The following CYP4B1 variants were observed in gnomAD, a reference collection of about 807,000 sequenced individuals.
The protein encoded by CYP4B1 is cytochrome P450 family 4 subfamily B member 1, also known as cytochrome P450 4B1.
In CYP4B1, 45 loss-of-function variants were observed where a neutral mutation model predicts 54.0. The ratio of observed to expected loss-of-function variants is 0.83; its 90% CI spans 0.66 to 1.07. The LOEUF (loss-of-function observed/expected upper bound fraction) is 1.07. CYP4B1 is among the 50% of genes least tolerant of loss of function. The pLI is 0.00. For missense variants in CYP4B1, 656 were observed against 655.4 expected, an observed-to-expected ratio of 1.00 and a Z score of -0.01; for synonymous variants, 248 against 247.5, an observed-to-expected ratio of 1.00 and a Z score of -0.02.
chr1:46,800,149 TCC>T (rs1678555436), intron 1 of CYP4B1, among the ~76,000 whole-genome samples: 2 of 151,282 alleles, frequency 1.3e-5, no homozygotes, highest in African/African-American at 2.4e-5. Flanking sequence ...CCTTTCCCTT[TCC>T]CTTTCTTTCT....
At position 46,815,249 on chromosome 1, in the gene CYP4B1, A is replaced by G. The variant is rs1307681727; in HGVS notation, c.1058A>G (p.Gln353Arg). The part of the protein sequence containing the change: ...REEVREILGD[Q>R]DFFQWDDLGK... ...GAGGTCCGCGAGATCCTAGGGGACC[A>G]GGACTTCTTCCAGTGGTGAGTCTGA... Residue 353 changes from glutamine (Q) to arginine (R), a missense_variant, in exon 8 of 12, where the codon CAG becomes CGG. Transcript: ENST00000371923. 1 of 1,567,040 alleles carries G rather than the reference A, an allele frequency of 6.4e-7. No individual in the cohort carries two copies. Among genetic ancestry groups the G allele is most frequent in the Non-Finnish European group, 8.7e-7 (1 of 1,155,126 alleles).
chr1:46,818,065 G>A (rs753868251), intron 10 of CYP4B1, 36 bp downstream of exon 10: 1 of 1,613,262 alleles, frequency 6.2e-7, no homozygotes, highest in Non-Finnish European at 8.5e-7. Context: ...CAGACAGGGT[G>A]GGGGACTGGG....
At chr1:46,817,477 A>G (rs1298577771) in intron 9 of CYP4B1, 1 of 475,288 alleles carries the variant, frequency 2.1e-6, no homozygotes. Context: ...CATGCCCTGA[A>G]CAGCACCAGG....
At chr1:46,817,663 G>T (rs1473161268) in intron 9 of CYP4B1, among the ~76,000 whole-genome samples, 3 of 152,228 alleles carry the variant, frequency 2.0e-5, no homozygotes, top group Non-Finnish European at 4.4e-5. Flanking sequence ...GAGTCAGTTA[G>T]CTGAAAAGGT....
chr1:46,809,207 A>G (rs1185874081), intron 1 of CYP4B1, among the ~76,000 whole-genome samples: 1 of 151,156 alleles, frequency 6.6e-6, no homozygotes, highest in South Asian at 2.1e-4. Context: ...AAAACAAAAA[A>G]AAGCTCTCAT....
intron 9 of CYP4B1, chr1:46,817,493 A>G: frequency 2.2e-6 from 1 of 458,172 alleles, no homozygotes; most frequent in Non-Finnish European, 4.0e-6. Flanking sequence ...CCAGGGAGCA[A>G]CACTCACATA....
intron 1 of CYP4B1, among the ~76,000 whole-genome samples, chr1:46,799,586 A>G (rs1416371540): frequency 6.6e-6 from 1 of 152,248 alleles, no homozygotes; most frequent in African/African-American, 2.4e-5. Flanking sequence ...AGAAATCCAA[A>G]ACCTCTGGAT....
At chr1:46,818,508 C>G in intron 11 of CYP4B1, 123 bp from the exon 12 acceptor site, 1 of 1,055,874 alleles carries the variant, frequency 9.5e-7, no homozygotes, top group East Asian at 2.4e-5. Flanking sequence ...CCCAGGTCAA[C>G]CAATCTATCA....
At position 46,815,150 on chromosome 1, in the gene CYP4B1, C is replaced by G. The variant is rs765503290; in HGVS notation, c.959C>G (p.Thr320Ser). ...VDTFMFEGHD[T>S]TTSGISWFLY... ...ACATTCATGTTTGAAGGCCATGACA[C>G]CACCACCAGTGGTATCTCCTGGTTT... Residue 320 changes from threonine (T) to serine (S), a missense_variant, in exon 8 of 12, where the codon ACC becomes AGC. By Grantham distance (58) the Thr-to-Ser change is moderately conservative. Transcript: ENST00000371923. The G allele has an allele frequency of 6.2e-7, 1 of 1,614,130 alleles. No homozygotes were observed. The highest frequency in any genetic ancestry group is 1.1e-5 in the South Asian group (1 of 91,080).
intron 1 of CYP4B1, among the ~76,000 whole-genome samples, chr1:46,800,908 C>A (rs1678631388): frequency 6.6e-6 from 1 of 152,148 alleles, no homozygotes; most frequent in African/African-American, 2.4e-5. Context: ...GACACCAGAG[C>A]CTTGCTCCCG....
At chr1:46,813,308 C>T (rs1238415750) in intron 4 of CYP4B1, among the ~76,000 whole-genome samples, 174 bp from the exon 5 acceptor site, 4 of 152,144 alleles carry the variant, frequency 2.6e-5, no homozygotes, top group South Asian at 2.1e-4. Flanking sequence ...CAAACTTCTA[C>T]CCACCCTATC....
intron 3 of CYP4B1, chr1:46,812,113 T>C (rs1679124719): frequency 2.1e-6 from 1 of 466,950 alleles, no homozygotes; most frequent in South Asian, 1.6e-5. Flanking sequence ...CCTGAAGCTG[T>C]GGCCAGTCTC....
rs140429297 is a variant in CYP4B1 at position 46,800,472 on chromosome 1, A to T, written c.180+1211A>T. The stretch of plus-strand genomic sequence containing the variant: ...CAGCCTCCCAAGTAGCTGGGACCAC[A>T]GGCACGCGCCACCATGCCTAGCTAA... On this transcript the variant is annotated intron_variant, in intron 1 of 11. Coordinates refer to ENST00000371923, the MANE Select transcript of CYP4B1 (RefSeq NM_001099772.2). 8.6e-3 allele frequency among the ~76,000 whole-genome samples: 1,302 copies of T among 151,936 alleles called. 21 individuals are homozygous for T. The highest frequency in any genetic ancestry group is 0.028 in the African/African-American group (1,173 of 41,420).
intron 5 of CYP4B1, 43 bp downstream of exon 5, chr1:46,813,649 A>G (rs774801865): frequency 1.2e-6 from 2 of 1,610,442 alleles, no homozygotes; most frequent in African/African-American, 1.3e-5. Context: ...CTCCAAAGCC[A>G]TCTTAGAGGG....
At chr1:46,799,346 G>A in intron 1 of CYP4B1, 85 bp downstream of exon 1, 1 of 1,297,164 alleles carries the variant, frequency 7.7e-7, no homozygotes, top group East Asian at 2.5e-5. Flanking sequence ...GGGGGCTGTG[G>A]AGGGAGACTT....
At chr1:46,817,559 A>AG (rs750427589) in intron 9 of CYP4B1, among the ~76,000 whole-genome samples, 18 of 152,218 alleles carry the variant, frequency 1.2e-4, no homozygotes, top group Non-Finnish European at 2.5e-4. Context: ...AGCTTCATAA[A>AG]GAGTGTTAAG....
chr1:46,818,529 C>T (rs1679428376), intron 11 of CYP4B1, 102 bp from the exon 12 acceptor site: 1 of 1,214,150 alleles, frequency 8.2e-7, no homozygotes, highest in Non-Finnish European at 1.2e-6. Flanking sequence ...GCCAGTTATT[C>T]ATCCAAAAAC....
At chr1:46,811,087 G>A in intron 2 of CYP4B1, 53 bp from the exon 3 acceptor site, 2 of 1,610,530 alleles carry the variant, frequency 1.2e-6, no homozygotes, top group Admixed American at 1.7e-5. Context: ...TCATAAATGA[G>A]CCTCCTCTAG....
At position 46,818,642 on chromosome 1, in the gene CYP4B1, G is replaced by A; in HGVS notation, c.1367G>A (p.Gly456Glu). The change falls in exon 12 of 12, where the codon GGG (glycine) becomes GAG (glutamate). Residue 456 changes from glycine to glutamate, a missense_variant. Physicochemically the swap from Gly to Glu is moderately conservative, Grantham distance 98. Transcript: ENST00000371923. ...GCTGCTTGCTACAGGAACTGCATTG[G>A]GCAGCAGTTTGCCATGAGTGAGATG... ...PFSAGPRNCI[G>E]QQFAMSEMKV... 6.2e-7 allele frequency: 1 copy of A among 1,614,138 alleles called. No homozygotes were observed. The highest frequency in any genetic ancestry group is 8.5e-7 in the Non-Finnish European group (1 of 1,179,966).
Sources: gnomAD v4.1 joint callset for allele counts (sites outside exome capture counted in the v4.1 genomes callset) on GRCh38, gnomAD v4.1.1 for gene constraint, MANE v1.5 for transcripts, NCBI Gene and HGNC (gene_info 2026-07-23, HGNC 2026-07-21) for gene names.